C10orf90: variants seen among roughly 807,000 people sequenced by gnomAD.
C10orf90 encodes (E2-independent) E3 ubiquitin-conjugating enzyme FATS.
C10orf90 carries 56 observed loss-of-function variants against 62.5 expected under a neutral mutation model. The ratio of observed to expected loss-of-function variants is 0.90; its 90% CI spans 0.72 to 1.12. C10orf90 has a LOEUF of 1.12. Ranked by LOEUF, C10orf90 falls within the 50% of genes most tolerant of loss-of-function variation. C10orf90 has a pLI of 0.00. For missense variants in C10orf90, 970 were observed against 880.4 expected, an observed-to-expected ratio of 1.10 and a Z score of -1.29; for synonymous variants, 386 against 340.4, an observed-to-expected ratio of 1.13 and a Z score of -1.47.
intron 1 of C10orf90, among the ~76,000 whole-genome samples, chr10:126,659,059 T>C (rs987554571): frequency 3.3e-5 from 5 of 152,174 alleles, no homozygotes; most frequent in African/African-American, 7.2e-5. Context: ...CTGCACGCAT[T>C]GGGAACTACA....
chr10:126,625,523 G>A (rs1030588799), intron 2 of C10orf90, among the ~76,000 whole-genome samples: 5 of 152,162 alleles, frequency 3.3e-5, no homozygotes, highest in South Asian at 2.1e-4. Flanking sequence ...CTTTTAGGGT[G>A]CACTCCTGCC....
At chr10:126,629,795 G>A (rs1845816156) in intron 2 of C10orf90, among the ~76,000 whole-genome samples, 2 of 152,200 alleles carry the variant, frequency 1.3e-5, no homozygotes, top group African/African-American at 4.8e-5. Context: ...AGTGAAGACA[G>A]GAGCCATGAG....
intron 4 of C10orf90, among the ~76,000 whole-genome samples, chr10:126,491,684 A>C (rs1202546720): frequency 6.6e-6 from 1 of 152,232 alleles, no homozygotes; most frequent in Non-Finnish European, 1.5e-5. Flanking sequence ...ACAATATTCA[A>C]GTTGCGTGAG....
rs180975634 is a variant in C10orf90 at position 126,573,369 on chromosome 10, G to A, written c.314-59430C>T. Among the ~76,000 whole-genome samples the A allele has an allele frequency of 1.3e-3, 205 of 152,318 alleles. 1 individual carries two copies. Among genetic ancestry groups the A allele is most frequent in the Non-Finnish European group, 7.2e-4 (49 of 68,038 alleles). On this transcript the variant is annotated intron_variant, in intron 2 of 9. Transcript: ENST00000488181. ...GATCTTTAACTGCTAGGCCCAAGGT[G>A]TGGCGCCAGGCTGTCTGCCTGTGGG... is the stretch of plus-strand genomic sequence containing the variant.
At chr10:126,483,715 T>C (rs957082568) in intron 4 of C10orf90, among the ~76,000 whole-genome samples, 2 of 152,212 alleles carry the variant, frequency 1.3e-5, no homozygotes, top group East Asian at 3.8e-4. Context: ...GATGCAGGTA[T>C]TGTCACTTCT....
chr10:126,565,666 C>A (rs1014923257), intron 2 of C10orf90, among the ~76,000 whole-genome samples: 1 of 151,666 alleles, frequency 6.6e-6, no homozygotes, highest in South Asian at 2.1e-4. Context: ...GTTGTTTGAA[C>A]AAATTGGAAA....
intron 1 of C10orf90, among the ~76,000 whole-genome samples, chr10:126,648,687 A>T (rs1394249619): frequency 6.6e-6 from 1 of 152,254 alleles, no homozygotes; most frequent in East Asian, 1.9e-4. Flanking sequence ...GCAGCAAGTT[A>T]TCTCTCCACT....
At position 126,504,402 on chromosome 10, in the gene C10orf90, G is replaced by A. The variant is rs1304027180; in HGVS notation, c.1089C>T (p.Tyr363=). 24 of 1,614,112 alleles carry A rather than the reference G, an allele frequency of 1.5e-5. No individual in the cohort carries two copies. The highest frequency in any genetic ancestry group is 1.9e-5 in the Non-Finnish European group (23 of 1,180,050). The change falls in exon 4 of 10, where the codon TAC becomes TAT. Residue 363 remains tyrosine, a synonymous_variant. Transcript: ENST00000488181. The surrounding 1 kb of genome is among the most constrained non-coding windows in gnomAD (Gnocchi z 4.1). ...TGGGGACGGAGAGAGACTTGTCTAC[G>A]TAATAGATTGAATCTGGACACTGCT... ...VSQQCPDSIY[Y]VDKSLSVPIE... is the part of the protein sequence containing the mutation.
intron 3 of C10orf90, among the ~76,000 whole-genome samples, chr10:126,509,770 T>C (rs891716825): frequency 9.9e-5 from 15 of 152,188 alleles, no homozygotes; most frequent in African/African-American, 3.6e-4. Context: ...CACTCTTGTA[T>C]GGGAAGTTCT....
intron 2 of C10orf90, among the ~76,000 whole-genome samples, chr10:126,580,059 T>C (rs774327359): frequency 2.0e-5 from 3 of 152,302 alleles, no homozygotes; most frequent in Non-Finnish European, 4.4e-5. Context: ...TCCTGGGCCA[T>C]AGTGCATTTC....
chr10:126,647,145 G>C (rs60821374), intron 1 of C10orf90, among the ~76,000 whole-genome samples: 2,972 of 152,294 alleles, frequency 0.02, 84 homozygotes, highest in African/African-American at 0.067. Flanking sequence ...TCTGCCAAAA[G>C]GTAAAGATTT....
At position 126,459,168 on chromosome 10, in the gene C10orf90, C is replaced by A. The variant is rs146050899; in HGVS notation, c.2060G>T (p.Arg687Leu). The A allele has an allele frequency of 1.8e-4, 294 of 1,614,024 alleles. No homozygotes were observed. Among genetic ancestry groups the A allele is most frequent in the Non-Finnish European group, 1.8e-4 (209 of 1,180,046 alleles). Residue 687 changes from arginine to leucine, a missense_variant, in exon 7 of 10, where the codon CGG becomes CTG. Coordinates refer to ENST00000488181, the MANE Select transcript of C10orf90 (RefSeq NM_001350921.2). Reference sequence around the variant, plus strand: ...GACCATGTGTTCAAGCTTCTTCAGCCGTTCTTGTGAGCGAGAAATGAACTG... The same window carrying A: ...GACCATGTGTTCAAGCTTCTTCAGCAGTTCTTGTGAGCGAGAAATGAACTG... ...KPQFISRSQE[R>L]LKKLEHMVQQ...
intron 1 of C10orf90, among the ~76,000 whole-genome samples, chr10:126,659,841 T>C (rs1846472417): frequency 1.3e-5 from 2 of 152,240 alleles, no homozygotes; most frequent in Admixed American, 6.5e-5. Flanking sequence ...CACTGACTAA[T>C]CAACCATCAT....
At chr10:126,622,572 C>G (rs528411220) in intron 2 of C10orf90, among the ~76,000 whole-genome samples, 118 of 152,320 alleles carry the variant, frequency 7.7e-4, no homozygotes, top group Non-Finnish European at 1.4e-3. Flanking sequence ...CTCAGGATCC[C>G]TGCCACTACA....
Position 126,425,800 on chromosome 10 carries a change from T to G in C10orf90, c.*64A>C. On this transcript the variant is annotated 3_prime_UTR_variant, in exon 10 of 10. Coordinates refer to ENST00000488181, the MANE Select transcript of C10orf90 (RefSeq NM_001350921.2). Reference sequence around the variant, plus strand: ...ATGATGAAGATAATGCTAAGTTTAATGGCTTATCCAGCATTCGAAGTCCTC... The same window carrying G: ...ATGATGAAGATAATGCTAAGTTTAAGGGCTTATCCAGCATTCGAAGTCCTC... The G allele has an allele frequency of 6.7e-7, 1 of 1,500,116 alleles. No individual in the cohort carries two copies. 92.9% of individuals were successfully genotyped at this position (1,500,116 alleles called of 1,614,324 possible). A position where few individuals can be genotyped will look rare whatever the true frequency, so the allele number is the denominator to read the frequency against.
chr10:126,425,505 C>G lies in C10orf90; in HGVS notation c.*359G>C. 1 of 280,374 alleles carries G rather than the reference C, an allele frequency of 3.6e-6. No homozygotes were observed. The highest frequency in any genetic ancestry group is 6.7e-5 in the East Asian group (1 of 14,828). 17.4% of individuals were successfully genotyped at this position (280,374 alleles called of 1,614,324 possible). A position where few individuals can be genotyped will look rare whatever the true frequency, so the allele number is the denominator to read the frequency against. On this transcript the variant is annotated 3_prime_UTR_variant, in exon 10 of 10. Transcript: ENST00000488181. ...CAAAAGTTTGATGTAAAAGATTCCC[C>G]AGGGATGTAAACAAACTTGCTTGTA...
intron 2 of C10orf90, among the ~76,000 whole-genome samples, chr10:126,537,682 A>G (rs1320598009): frequency 6.6e-6 from 1 of 152,224 alleles, no homozygotes; most frequent in Non-Finnish European, 1.5e-5. Context: ...GGATCCCAAG[A>G]AATTCTACAG....
At chr10:126,514,167 TC>T (rs954578217) in intron 2 of C10orf90, among the ~76,000 whole-genome samples, 73 of 152,292 alleles carry the variant, frequency 4.8e-4, no homozygotes, top group African/African-American at 1.6e-3. Flanking sequence ...GATTTCTTCT[TC>T]CATATGATCG....
intron 1 of C10orf90, among the ~76,000 whole-genome samples, chr10:126,665,579 T>C (rs1204854955): frequency 6.6e-6 from 1 of 152,160 alleles, no homozygotes; most frequent in Non-Finnish European, 1.5e-5. Flanking sequence ...CCAGCCATGA[T>C]AGAGTAACCA....
Sources: gnomAD v4.1 joint callset for allele counts (sites outside exome capture counted in the v4.1 genomes callset) on GRCh38, gnomAD v4.1.1 for gene constraint, Gnocchi (gnomAD v3.1) non-coding constraint, MANE v1.5 for transcripts, NCBI Gene and HGNC (gene_info 2026-07-23, HGNC 2026-07-21) for gene names.